The following ADGRV1 variants were observed in gnomAD, a reference collection of about 807,000 sequenced individuals.
ADGRV1 encodes adhesion G protein-coupled receptor V1, also known as G-protein coupled receptor 98.
In ADGRV1, 359 loss-of-function variants were observed where a neutral mutation model predicts 596.2. That is an observed-to-expected ratio of 0.60 (90% CI 0.55 to 0.66). The LOEUF (loss-of-function observed/expected upper bound fraction) is 0.66. Ranked by LOEUF, ADGRV1 falls within the 30% of genes least tolerant of loss-of-function variation. The pLI is 0.00. For synonymous variants in ADGRV1, 2,681 were observed against 2,679.2 expected, an observed-to-expected ratio of 1.00 and a Z score of -0.02; for missense variants, 7,274 against 7,575.6, an observed-to-expected ratio of 0.96 and a Z score of 1.48.
At chr5:90,729,028 T>A (rs968096659) in intron 49 of ADGRV1, 95 bp downstream of exon 49, 1 of 829,758 alleles carries the variant, frequency 1.2e-6, no homozygotes, top group Non-Finnish European at 1.8e-6. Context: ...TTGCAATAAT[T>A]TTTTACTAAT....
intron 85 of ADGRV1, among the ~76,000 whole-genome samples, chr5:91,045,963 A>G (rs1053156079): frequency 5.3e-5 from 8 of 152,136 alleles, no homozygotes; most frequent in Non-Finnish European, 1.2e-4. Context: ...TACACTAAGG[A>G]GGTGAAAGAC....
chr5:90,717,460 A>C (rs1405062628), intron 43 of ADGRV1: 1 of 118,534 alleles, frequency 8.4e-6, no homozygotes, highest in African/African-American at 3.6e-5. Flanking sequence ...TTTGAGGCAG[A>C]GTCTCACTCT....
intron 1 of ADGRV1, among the ~76,000 whole-genome samples, chr5:90,560,502 C>T (rs1423839587): frequency 6.6e-6 from 1 of 152,072 alleles, no homozygotes; most frequent in East Asian, 1.9e-4. Context: ...GTTTAAGCTC[C>T]TTGCCCAGAG....
intron 29 of ADGRV1, among the ~76,000 whole-genome samples, chr5:90,688,122 A>G (rs1244604110): frequency 6.6e-6 from 1 of 152,154 alleles, no homozygotes; most frequent in Non-Finnish European, 1.5e-5. Flanking sequence ...AGCTGGAGGC[A>G]TCACGCTACC....
intron 83 of ADGRV1, among the ~76,000 whole-genome samples, chr5:90,963,109 T>C (rs1164877036): frequency 6.6e-6 from 1 of 152,154 alleles, no homozygotes; most frequent in African/African-American, 2.4e-5. Context: ...TTCAACACAA[T>C]CCATATAATA....
chr5:90,867,551 T>G (rs563294761), intron 83 of ADGRV1, among the ~76,000 whole-genome samples: 1 of 152,300 alleles, frequency 6.6e-6, no homozygotes, highest in Non-Finnish European at 1.5e-5. Context: ...TCTGGAATTA[T>G]GTCATTCTCG....
intron 75 of ADGRV1, among the ~76,000 whole-genome samples, chr5:90,817,769 C>T (rs1554127191): frequency 6.6e-6 from 1 of 152,080 alleles, no homozygotes; most frequent in Non-Finnish European, 1.5e-5. Context: ...TTCCATTAAT[C>T]TATATCTCTG....
At chr5:90,632,019 T>G (rs1029937264) in intron 9 of ADGRV1, among the ~76,000 whole-genome samples, 1 of 152,122 alleles carries the variant, frequency 6.6e-6, no homozygotes, top group Admixed American at 6.5e-5. Context: ...GATTCAATTT[T>G]TTGAGTTTCA....
chr5:90,893,294 C>G (rs4916827), intron 83 of ADGRV1, among the ~76,000 whole-genome samples: 41,835 of 152,006 alleles, frequency 0.28, 6,083 homozygotes, highest in Non-Finnish European at 0.32. Flanking sequence ...CAGCTTCCCC[C>G]AAATTGAATA....
At chr5:90,754,541 G>A (rs921114659) in intron 54 of ADGRV1, among the ~76,000 whole-genome samples, 2 of 152,150 alleles carry the variant, frequency 1.3e-5, no homozygotes, top group African/African-American at 4.8e-5. Flanking sequence ...TGATAGGCAC[G>A]TCACTGTAAG....
chr5:91,058,767 G>A (rs556786824), intron 85 of ADGRV1, among the ~76,000 whole-genome samples: 2 of 152,274 alleles, frequency 1.3e-5, no homozygotes, highest in South Asian at 4.2e-4. Flanking sequence ...AGGAAAAGTA[G>A]CAAAGGGAAA....
chr5:90,716,094 T>C (rs1482894777), intron 42 of ADGRV1, among the ~76,000 whole-genome samples: 1 of 152,220 alleles, frequency 6.6e-6, no homozygotes, highest in African/African-American at 2.4e-5. Context: ...TTTACAGGTG[T>C]TATCTGGCTG....
At chr5:90,674,361 C>T (rs921978887) in intron 23 of ADGRV1, 127 bp downstream of exon 23, 6 of 531,764 alleles carry the variant, frequency 1.1e-5, no homozygotes, top group Non-Finnish European at 1.6e-5. Flanking sequence ...AATTTCTAAA[C>T]TCTTTAACTT....
intron 85 of ADGRV1, among the ~76,000 whole-genome samples, chr5:91,069,667 T>C (rs997976516): frequency 3.3e-5 from 5 of 152,206 alleles, no homozygotes; most frequent in African/African-American, 9.6e-5. Context: ...GGTGTGAATA[T>C]AAATTACTTC....
At chr5:90,853,969 C>G (rs1261274094) in intron 80 of ADGRV1, 93 bp from the exon 81 acceptor site, 23 of 851,270 alleles carry the variant, frequency 2.7e-5, no homozygotes, top group Admixed American at 1.3e-4. Context: ...ATGACTGTAG[C>G]TACTAGAAAA....
intron 22 of ADGRV1, 108 bp downstream of exon 22, chr5:90,672,830 A>G: frequency 1.3e-6 from 1 of 793,730 alleles, no homozygotes; most frequent in Middle Eastern, 2.5e-4. Context: ...GCTTCCCATT[A>G]TTATTTACAA....
intron 83 of ADGRV1, among the ~76,000 whole-genome samples, chr5:90,953,543 TTTTTG>T (rs1198135349): frequency 2.6e-5 from 4 of 152,258 alleles, no homozygotes; most frequent in African/African-American, 7.2e-5. Flanking sequence ...GTTTGCGAGT[TTTTTG>T]TTTTGTTTTG....
chr5:90,618,148 C>T (rs911100229), intron 3 of ADGRV1, among the ~76,000 whole-genome samples, 195 bp downstream of exon 3: 1 of 152,176 alleles, frequency 6.6e-6, no homozygotes, highest in African/African-American at 2.4e-5. Flanking sequence ...TGTTCAGAAA[C>T]TCTGCAGGTA....
chr5:90,721,576 T>TGTAAA lies in ADGRV1; in HGVS notation c.9748+517_9748+518insGTAAA, dbSNP rs1751014912. 1.7e-5 allele frequency among the ~76,000 whole-genome samples: 2 copies of TGTAAA among 119,914 alleles called. 1 individual carries two copies. Among genetic ancestry groups the TGTAAA allele is most frequent in the African/African-American group, 6.5e-5 (2 of 30,590 alleles). 78.7% of individuals were successfully genotyped at this position (119,914 alleles called of 152,430 possible). On this transcript the variant is annotated intron_variant, in intron 45 of 89. Coordinates refer to ENST00000405460, the MANE Select transcript of ADGRV1 (RefSeq NM_032119.4). ...TAAAATAAAATAAAATAAAATAAAA[T>TGTAAA]AAAATAAAATAAAATATGTATTTAG...
Sources: gnomAD v4.1 joint callset for allele counts (sites outside exome capture counted in the v4.1 genomes callset) on GRCh38, gnomAD v4.1.1 for gene constraint, MANE v1.5 for transcripts, NCBI Gene and HGNC (gene_info 2026-07-23, HGNC 2026-07-21) for gene names.